Variants in AGPAT3 observed in about 807,000 individuals in gnomAD.
The protein encoded by AGPAT3 is 1-acylglycerol-3-phosphate O-acyltransferase 3, also known as 1-acyl-sn-glycerol-3-phosphate acyltransferase gamma.
AGPAT3 carries 5 observed loss-of-function variants against 47.3 expected under a neutral mutation model. The ratio of observed to expected loss-of-function variants is 0.11; its 90% confidence interval spans 0.06 to 0.22. The LOEUF is 0.22. Ranked by LOEUF, AGPAT3 falls within the 10% of genes least tolerant of loss-of-function variation. The pLI, the probability that AGPAT3 is intolerant of heterozygous loss-of-function variation, is 1.00. For synonymous variants in AGPAT3, 212 were observed against 208.3 expected, an observed-to-expected ratio of 1.02 and a Z score of -0.15; for missense variants, 315 against 493.0, an observed-to-expected ratio of 0.64 and a Z score of 3.42.
chr21:43,869,441 G>T (rs1267131590), intron 1 of AGPAT3, among the ~76,000 whole-genome samples: 2 of 152,212 alleles, frequency 1.3e-5, no homozygotes, highest in Middle Eastern at 3.2e-3. Context: ...TACTAGCATT[G>T]ATTTTTGCCA....
intron 8 of AGPAT3, among the ~76,000 whole-genome samples, chr21:43,980,435 C>T (rs1297805769): frequency 6.6e-6 from 1 of 152,246 alleles, no homozygotes. Flanking sequence ...GTGCCTTTGA[C>T]ATTCCCACCA....
rs552104112 is a variant in AGPAT3, at chr21:43,924,272, G to A, written c.-49+20253G>A. ...AATCTCCTGACCTCGTGACCCGCCCGCCTCGGCCTCCCAAAGTGCTGGGAT... is the reference window on the plus strand; with the variant it reads ...AATCTCCTGACCTCGTGACCCGCCCACCTCGGCCTCCCAAAGTGCTGGGAT... On this transcript the variant is annotated intron_variant, in intron 2 of 9. Coordinates refer to ENST00000291572, the MANE Select transcript of AGPAT3 (RefSeq NM_020132.5). Among the ~76,000 whole-genome samples, 8 of 151,250 alleles carry A rather than the reference G, an allele frequency of 5.3e-5. No individual in the cohort carries two copies. The East Asian group carries it at 7.8e-4, about 15-fold the overall frequency.
chr21:43,950,728 T>C (rs1010516622), intron 2 of AGPAT3: 3 of 152,422 alleles, frequency 2.0e-5, no homozygotes, highest in Middle Eastern at 3.4e-3. Flanking sequence ...GTCAGCGGCA[T>C]GCCTGCCTTC....
intron 1 of AGPAT3, among the ~76,000 whole-genome samples, chr21:43,877,876 C>G (rs1396330352): frequency 1.3e-5 from 2 of 152,076 alleles, no homozygotes; most frequent in African/African-American, 4.8e-5. Context: ...AACCTGGGCC[C>G]CATCTATGAC....
At chr21:43,961,658 G>GTGGGAAACGGTGAGCGCGTATACAC (rs2088865337) in intron 3 of AGPAT3, among the ~76,000 whole-genome samples, 1 of 132,514 alleles carries the variant, frequency 7.5e-6, no homozygotes, top group African/African-American at 2.7e-5. Flanking sequence ...TTTGTCTCAT[G>GTGGGAAACGGTGAGCGCGTATACAC]TGGGAAATGG....
intron 1 of AGPAT3, among the ~76,000 whole-genome samples, chr21:43,875,865 C>T (rs948285791): frequency 9.2e-5 from 14 of 152,256 alleles, no homozygotes; most frequent in South Asian, 2.1e-4. Context: ...GGCTTGGCCT[C>T]GCAAAGTGCT....
chr21:43,950,014 G>A (rs1469690698), intron 2 of AGPAT3, among the ~76,000 whole-genome samples: 1 of 152,226 alleles, frequency 6.6e-6, no homozygotes, highest in Non-Finnish European at 1.5e-5. Flanking sequence ...CCACCTGCCT[G>A]AAAGGCACCA....
chr21:43,870,128 C>T (rs1284986624), intron 1 of AGPAT3, among the ~76,000 whole-genome samples: 6 of 152,202 alleles, frequency 3.9e-5, no homozygotes, highest in Admixed American at 1.3e-4. Flanking sequence ...GAACCACAGC[C>T]GTCCTCCTTG....
At chr21:43,870,022 A>T (rs1221151071) in intron 1 of AGPAT3, among the ~76,000 whole-genome samples, 1 of 152,164 alleles carries the variant, frequency 6.6e-6, no homozygotes, top group African/African-American at 2.4e-5. Flanking sequence ...GTGACTTTTG[A>T]TAATCCACAA....
intron 2 of AGPAT3, among the ~76,000 whole-genome samples, chr21:43,917,285 C>A (rs2086754025): frequency 6.6e-6 from 1 of 152,104 alleles, no homozygotes; most frequent in Admixed American, 6.5e-5. Context: ...TCCCGCTGCT[C>A]CTCCTTCTGC....
chr21:43,977,729 G>GA (rs201044951), intron 7 of AGPAT3, among the ~76,000 whole-genome samples: 9 of 151,678 alleles, frequency 5.9e-5, no homozygotes, highest in Non-Finnish European at 1.2e-4. Context: ...AAAATACAAA[G>GA]AAAAAAAATT....
At chr21:43,885,158 A>G (rs533005815) in intron 1 of AGPAT3, among the ~76,000 whole-genome samples, 5 of 151,790 alleles carry the variant, frequency 3.3e-5, no homozygotes, top group Admixed American at 6.6e-5. Flanking sequence ...TGGCATCCCC[A>G]CCTCCCTCAG....
chr21:43,957,588 GGGGTTTCCCCCTCCACGCGGGGGTCTC>G (rs2088540008), intron 2 of AGPAT3, among the ~76,000 whole-genome samples: 1 of 147,270 alleles, frequency 6.8e-6, no homozygotes, highest in Admixed American at 6.8e-5. Context: ...CCCTCCACAC[GGGGTTTCCCCCTCCACGCGGGGGTCTC>G]GGGTTTCCCC....
chr21:43,970,796 C>G lies in AGPAT3; in HGVS notation c.654C>G (p.Leu218=). 6.3e-7 allele frequency: 1 copy of G among 1,583,034 alleles called. No individual in the cohort carries two copies. The highest frequency in any genetic ancestry group is 8.6e-7 in the Non-Finnish European group (1 of 1,158,938). The change falls in exon 6 of 10, where the codon CTC becomes CTG. Residue 218 remains leucine (L), a synonymous_variant. Coordinates refer to ENST00000291572, the MANE Select transcript of AGPAT3 (RefSeq NM_020132.5). This position sits in a 1 kb window ranked among gnomAD's most constrained non-coding sequence, Gnocchi z 5.8. ...GCTTCACCACCGCAGTCAAGTGCCT[C>G]CGGGGGACAGGTAGGCCCCAGACTG... ...TKGFTTAVKC[L]RGTVAAVYDV...
At chr21:43,911,472 A>G (rs1487601799) in intron 2 of AGPAT3, among the ~76,000 whole-genome samples, 1 of 152,246 alleles carries the variant, frequency 6.6e-6, no homozygotes, top group Non-Finnish European at 1.5e-5. Context: ...GAAGATTGCA[A>G]CACTGGCCCT....
chr21:43,868,174 G>C (rs964338188), intron 1 of AGPAT3, among the ~76,000 whole-genome samples: 3 of 152,214 alleles, frequency 2.0e-5, no homozygotes, highest in Admixed American at 6.5e-5. Flanking sequence ...GGAAGGCCGA[G>C]TTGATGGTGA....
chr21:43,962,674 C>T (rs561766968), intron 3 of AGPAT3, among the ~76,000 whole-genome samples: 1 of 152,302 alleles, frequency 6.6e-6, no homozygotes, highest in Non-Finnish European at 1.5e-5. Flanking sequence ...AACCCTTGGG[C>T]AGCTGTAGCA....
At position 43,982,501 on chromosome 21, in the gene AGPAT3, C is replaced by G. The variant is rs1309751322; in HGVS notation, c.*109C>G. ...AATTAGAAACTATTTTTCTTATTAA[C>G]TGGTGACTAATATTAACAAAACTTG... On this transcript the variant is annotated 3_prime_UTR_variant, in exon 10 of 10. Transcript: ENST00000291572. The surrounding 1 kb of genome is among the most constrained non-coding windows in gnomAD (Gnocchi z 6.2). The G allele has an allele frequency of 2.5e-5, 20 of 792,762 alleles. No homozygotes were observed. The highest frequency in any genetic ancestry group is 3.8e-5 in the Non-Finnish European group (19 of 495,016). The allele number at this position is 792,762 out of a possible 1,614,324, so 49.1% of individuals were successfully genotyped here. A position where few individuals can be genotyped will look rare whatever the true frequency, so the allele number is the denominator to read the frequency against.
Position 43,938,887 on chromosome 21 carries a change from G to T in AGPAT3, c.-48-20747G>T, listed in dbSNP as rs568940137. Among the ~76,000 whole-genome samples, 4 of 152,198 alleles carry T rather than the reference G, an allele frequency of 2.6e-5. No homozygotes were observed. The East Asian group carries it at 7.7e-4, about 29-fold the overall frequency. The stretch of plus-strand genomic sequence containing the variant: ...GGGATGCAGTCACCTGAAGCCTTGT[G>T]GGGGGAAGGAGGGGCTCCCCCAGGC... On this transcript the variant is annotated intron_variant, in intron 2 of 9. Transcript: ENST00000291572.
Sources: allele counts gnomAD v4.1 joint callset (sites outside exome capture counted in the v4.1 genomes callset), GRCh38; gene constraint gnomAD v4.1.1; non-coding constraint Gnocchi (gnomAD v3.1); transcripts MANE v1.5; gene names NCBI Gene and HGNC (gene_info 2026-07-23, HGNC 2026-07-21).